The following RBPMS2 variants were observed in gnomAD, a reference collection of about 807,000 sequenced individuals.
RBPMS2 encodes the protein RNA binding protein, mRNA processing factor 2.
Under a neutral mutation model 25.7 loss-of-function variants are expected in RBPMS2, and 14 were observed. The ratio of observed to expected loss-of-function variants is 0.55; its 90% CI spans 0.36 to 0.85. The LOEUF (loss-of-function observed/expected upper bound fraction) is 0.85. Ranked by LOEUF, RBPMS2 falls within the 40% of genes least tolerant of loss-of-function variation. The probability of loss-of-function intolerance (pLI) is 0.01; values close to 1 mark genes in which losing one functional copy is unlikely to be tolerated. For missense variants in RBPMS2, 252 were observed against 283.4 expected, an observed-to-expected ratio of 0.89 and a Z score of 0.80; for synonymous variants, 127 against 115.6, an observed-to-expected ratio of 1.10 and a Z score of -0.63.
At chr15:64,762,662 C>G (rs2141072390) in intron 1 of RBPMS2, 1 of 405,774 alleles carries the variant, frequency 2.5e-6, no homozygotes, top group African/African-American at 2.1e-5. Flanking sequence ...CCAGCCCTGT[C>G]ACCAGCCATA....
intron 6 of RBPMS2, among the ~76,000 whole-genome samples, chr15:64,745,978 T>C (rs1260831523): frequency 6.6e-6 from 1 of 152,178 alleles, no homozygotes; most frequent in East Asian, 1.9e-4. Context: ...CTTCTATTGG[T>C]CTTTTGGGTT....
chr15:64,762,676 G>A (rs961331971), intron 1 of RBPMS2, among the ~76,000 whole-genome samples: 9 of 152,192 alleles, frequency 5.9e-5, no homozygotes, highest in African/African-American at 1.2e-4. Flanking sequence ...AGCCATAGCA[G>A]GTGGCTTTGT....
At chr15:64,750,647 C>G (rs936948215) in intron 2 of RBPMS2, among the ~76,000 whole-genome samples, 4 of 152,210 alleles carry the variant, frequency 2.6e-5, no homozygotes, top group African/African-American at 9.6e-5. Flanking sequence ...AACTAGTAAC[C>G]CGAGAGCACA....
chr15:64,764,960 C>T (rs2083830309), intron 1 of RBPMS2, among the ~76,000 whole-genome samples: 3 of 148,728 alleles, frequency 2.0e-5, no homozygotes, highest in Admixed American at 1.3e-4. Context: ...GGCACGGTGG[C>T]TCACGCCTGT....
At chr15:64,766,295 G>A (rs2083845161) in intron 1 of RBPMS2, among the ~76,000 whole-genome samples, 1 of 152,124 alleles carries the variant, frequency 6.6e-6, no homozygotes, top group Non-Finnish European at 1.5e-5. Flanking sequence ...CTGCACTCCA[G>A]AGGCCTCCAA....
chr15:64,749,564 A>G, intron 3 of RBPMS2, 71 bp from the exon 4 acceptor site: 6 of 1,301,570 alleles, frequency 4.6e-6, no homozygotes, highest in South Asian at 1.2e-5. Context: ...AATAACAACA[A>G]AAAAAGAGTA....
intron 1 of RBPMS2, among the ~76,000 whole-genome samples, chr15:64,759,951 G>A (rs2083768256): frequency 6.6e-6 from 1 of 152,190 alleles, no homozygotes; most frequent in Non-Finnish European, 1.5e-5. Context: ...GGGATTACAG[G>A]CGTGAGCCAC....
chr15:64,750,268 G>C (rs2083663548), intron 3 of RBPMS2, 75 bp downstream of exon 3: 1 of 1,282,792 alleles, frequency 7.8e-7, no homozygotes, highest in Non-Finnish European at 1.1e-6. Context: ...GATTAGGGAA[G>C]GGTTAACGGG....
chr15:64,772,413 T>TA (rs1234749295), intron 1 of RBPMS2, among the ~76,000 whole-genome samples: 2 of 152,050 alleles, frequency 1.3e-5, no homozygotes, highest in African/African-American at 4.8e-5. Context: ...CTCCTCCCCT[T>TA]AATTCCTTAC....
At chr15:64,762,018 A>G (rs1046263659) in intron 1 of RBPMS2, among the ~76,000 whole-genome samples, 4 of 151,956 alleles carry the variant, frequency 2.6e-5, no homozygotes, top group Non-Finnish European at 4.4e-5. Context: ...CTCCCGGCTA[A>G]TTTTTTAATT....
intron 6 of RBPMS2, among the ~76,000 whole-genome samples, chr15:64,745,644 T>C (rs2083612038): frequency 6.6e-6 from 1 of 152,192 alleles, no homozygotes; most frequent in African/African-American, 2.4e-5. Flanking sequence ...CATCTTTCTA[T>C]GCTGAACCCC....
At chr15:64,745,533 T>C (rs377103423) in intron 6 of RBPMS2, among the ~76,000 whole-genome samples, 2 of 152,134 alleles carry the variant, frequency 1.3e-5, no homozygotes, top group Non-Finnish European at 1.5e-5. Flanking sequence ...AAAAAAGCCA[T>C]GGAAGACCCG....
chr15:64,754,639 C>G (rs1357474642), intron 1 of RBPMS2, among the ~76,000 whole-genome samples: 7 of 151,272 alleles, frequency 4.6e-5, no homozygotes, highest in African/African-American at 1.7e-4. Context: ...CCCAAGTCTT[C>G]CTACTACATG....
intron 1 of RBPMS2, among the ~76,000 whole-genome samples, chr15:64,756,965 G>A (rs2083737513): frequency 6.9e-6 from 1 of 144,134 alleles, no homozygotes; most frequent in Non-Finnish European, 1.5e-5. Flanking sequence ...ACCATGCCCG[G>A]CCTCATTTTT....
At chr15:64,761,856 C>G (rs1422992796) in intron 1 of RBPMS2, among the ~76,000 whole-genome samples, 4 of 151,870 alleles carry the variant, frequency 2.6e-5, no homozygotes, top group African/African-American at 9.7e-5. Context: ...TTATAGGCAC[C>G]CACCACCATG....
chr15:64,740,303 TGAG>T lies in RBPMS2; in HGVS notation c.*702_*704del, dbSNP rs2083547650. The T allele has an allele frequency of 1.3e-5, 2 of 152,218 alleles. No homozygotes were observed. The allele number at this position is 152,218 out of a possible 1,614,324, so 9.4% of individuals were successfully genotyped here. A position where few individuals can be genotyped will look rare whatever the true frequency, so the allele number is the denominator to read the frequency against. ...GGTTGGTTTCGAGGTTTGGAAAGAA[TGAG>T]GAGCAGCGGCGGGCGGGGTGCGCTG... On this transcript the variant is annotated 3_prime_UTR_variant, in exon 8 of 8. Coordinates refer to ENST00000300069, the MANE Select transcript of RBPMS2 (RefSeq NM_194272.3).
chr15:64,752,225 A>G (rs1005707774), intron 1 of RBPMS2, among the ~76,000 whole-genome samples: 1 of 152,020 alleles, frequency 6.6e-6, no homozygotes, highest in Non-Finnish European at 1.5e-5. Flanking sequence ...AAATGTATCT[A>G]TTTTTTTAAT....
rs924200648 is a variant in RBPMS2, at chr15:64,775,402, G to C, written c.-83C>G. The C allele has an allele frequency of 5.4e-6, 4 of 740,996 alleles. No individual in the cohort carries two copies. The African/African-American group carries it at 7.5e-5, about 14-fold the overall frequency. 45.9% of individuals were successfully genotyped at this position (740,996 alleles called of 1,614,324 possible). On this transcript the variant is annotated 5_prime_UTR_variant, in exon 1 of 8. Coordinates refer to ENST00000300069, the MANE Select transcript of RBPMS2 (RefSeq NM_194272.3). ...CGGGAAGTGGGAAGGGGCGCGGGGA[G>C]CGGTGCGCTCGCGGGTGCGGAGCGG...
intron 1 of RBPMS2, among the ~76,000 whole-genome samples, chr15:64,767,227 C>A (rs765037154): frequency 1.3e-5 from 2 of 151,926 alleles, no homozygotes; most frequent in Non-Finnish European, 2.9e-5. Flanking sequence ...AGCCTCCTGA[C>A]AGGCTGAGAC....
Sources: allele counts gnomAD v4.1 joint callset (sites outside exome capture counted in the v4.1 genomes callset), GRCh38; gene constraint gnomAD v4.1.1; transcripts MANE v1.5; gene names NCBI Gene and HGNC (gene_info 2026-07-23, HGNC 2026-07-21).